Variants in MAP1B observed in about 807,000 individuals in gnomAD.
The protein encoded by MAP1B is microtubule-associated protein 1B.
A neutral mutation model predicts 176.1 loss-of-function variants in MAP1B; 12 were observed. The observed-to-expected ratio is 0.07, with a 90% CI of 0.04 to 0.11. MAP1B has a LOEUF of 0.11. Ranked by LOEUF, MAP1B falls within the 10% of genes least tolerant of loss-of-function variation. MAP1B has a pLI of 1.00. For missense variants in MAP1B, 2,523 were observed against 2,990.5 expected (o/e 0.84, Z 3.65); for synonymous variants, 1,044 against 1,135.0 (o/e 0.92, Z 1.61).
At position 72,199,525 on chromosome 5, in the gene MAP1B, A is replaced by T. The variant is rs141132216; in HGVS notation, c.6170A>T (p.Tyr2057Phe). ...KITRTPQAST[Y>F]SYETSDLCYT... ...ACTAGAACCCCTCAGGCATCCACAT[A>T]TTCCTACGAGACTTCAGACCTATGC... The change falls in exon 5 of 7, where the codon TAT (tyrosine) becomes TTT (phenylalanine). Residue 2057 changes from tyrosine to phenylalanine, a missense_variant. Transcript: ENST00000296755. This position sits in a 1 kb window ranked among gnomAD's most constrained non-coding sequence, Gnocchi z 4.2. 20 of 1,614,170 alleles carry T rather than the reference A, an allele frequency of 1.2e-5. No individual in the cohort carries two copies. The African/African-American group carries it at 2.3e-4, about 18-fold the overall frequency.
intron 1 of MAP1B, among the ~76,000 whole-genome samples, chr5:72,109,040 C>T (rs1745244497): frequency 6.6e-6 from 1 of 152,194 alleles, no homozygotes; most frequent in African/African-American, 2.4e-5. Context: ...ACGCAGCCCT[C>T]GTTCCCCACT....
At chr5:72,159,389 T>C (rs992693230) in intron 2 of MAP1B, among the ~76,000 whole-genome samples, 1 of 152,078 alleles carries the variant, frequency 6.6e-6, no homozygotes, top group Non-Finnish European at 1.5e-5. Flanking sequence ...GGAATTTCTC[T>C]GAAGAGAGCA....
At chr5:72,110,512 T>C in intron 1 of MAP1B, among the ~76,000 whole-genome samples, 1 of 152,252 alleles carries the variant, frequency 6.6e-6, no homozygotes, top group East Asian at 1.9e-4. Flanking sequence ...CAGAGCAGGC[T>C]GGTCCTGTTT....
chr5:72,191,034 T>G (rs192353658), intron 4 of MAP1B, among the ~76,000 whole-genome samples: 1 of 152,266 alleles, frequency 6.6e-6, no homozygotes, highest in Admixed American at 6.5e-5. Context: ...ATATTCCTCC[T>G]TGTTGCATCT....
chr5:72,191,461 C>T (rs1346169057), intron 4 of MAP1B, among the ~76,000 whole-genome samples: 2 of 152,218 alleles, frequency 1.3e-5, no homozygotes, highest in Admixed American at 6.5e-5. Flanking sequence ...TGTCTTTGCC[C>T]TTGAGGCACT....
rs751602894 is a variant in MAP1B at position 72,199,987 on chromosome 5, C to T, written c.6632C>T (p.Ser2211Leu). The T allele has an allele frequency of 3.2e-5, 51 of 1,614,198 alleles. No homozygotes were observed. The South Asian group carries it at 3.6e-4, about 11-fold the overall frequency. The change falls in exon 5 of 7, where the codon TCG becomes TTG. Residue 2211 changes from serine (S) to leucine (L), a missense_variant. By Grantham distance (145) the Ser-to-Leu change is moderately radical. Coordinates refer to ENST00000296755, the MANE Select transcript of MAP1B (RefSeq NM_005909.5). The surrounding 1 kb of genome is among the most constrained non-coding windows in gnomAD (Gnocchi z 4.2). ...PPAPVQDRSP[S>L]PRHPDVSMVD... ...GCTCCCGTGCAAGACCGCAGCCCTT[C>T]GCCACGCCACCCTGATGTGTCCATG...
chr5:72,202,854 A>G (rs763083359), intron 5 of MAP1B, among the ~76,000 whole-genome samples: 11 of 152,220 alleles, frequency 7.2e-5, no homozygotes, highest in Non-Finnish European at 1.3e-4. Flanking sequence ...GCAGTCTGAT[A>G]TGTCCTGATT....
chr5:72,119,698 T>G (rs1367866993), intron 2 of MAP1B, among the ~76,000 whole-genome samples: 10 of 152,070 alleles, frequency 6.6e-5, no homozygotes, highest in Admixed American at 2.6e-4. Flanking sequence ...TTGTAGAGAT[T>G]GGATTTCCCC....
In MAP1B at chr5:72,196,482, G is replaced by A. The variant is rs1271916479; in HGVS notation, c.3127G>A (p.Asp1043Asn). The change falls in exon 5 of 7, where the codon GAC becomes AAC. Residue 1043 changes from aspartate (D) to asparagine (N), a missense_variant. Transcript: ENST00000296755. This position sits in a 1 kb window ranked among gnomAD's most constrained non-coding sequence, Gnocchi z 5.3. ...EYEPEKMEAEDYVMAVVDKAA... is the reference protein window; with the variant it reads ...EYEPEKMEAENYVMAVVDKAA... ...TGAGCCGGAAAAAATGGAAGCTGAA[G>A]ACTATGTGATGGCTGTGGTCGACAA... 6.2e-7 allele frequency: 1 copy of A among 1,613,816 alleles called. No homozygotes were observed. The highest frequency in any genetic ancestry group is 8.5e-7 in the Non-Finnish European group (1 of 1,180,026).
At position 72,207,591 on chromosome 5, in the gene MAP1B, A is replaced by G. The variant is rs955295880; in HGVS notation, c.*2352A>G. The G allele has an allele frequency of 6.6e-5, 10 of 152,242 alleles. No individual in the cohort carries two copies. The highest frequency in any genetic ancestry group is 1.3e-4 in the Non-Finnish European group (9 of 68,036). 9.4% of individuals were successfully genotyped at this position (152,242 alleles called of 1,614,324 possible). A position where few individuals can be genotyped will look rare whatever the true frequency, so the allele number is the denominator to read the frequency against. ...CCTTGGAAAATAACATATTAAGGGTACAAGAAATTAACACATGATGGAAAA... is the reference window on the plus strand; with the variant it reads ...CCTTGGAAAATAACATATTAAGGGTGCAAGAAATTAACACATGATGGAAAA... On this transcript the variant is annotated 3_prime_UTR_variant, in exon 7 of 7. Coordinates refer to ENST00000296755, the MANE Select transcript of MAP1B (RefSeq NM_005909.5).
intron 2 of MAP1B, among the ~76,000 whole-genome samples, chr5:72,124,178 A>G (rs1232275596): frequency 6.6e-6 from 1 of 152,120 alleles, no homozygotes; most frequent in Non-Finnish European, 1.5e-5. Flanking sequence ...CCCAGACATC[A>G]TACTCCAGGG....
chr5:72,188,014 C>T (rs1047917326), intron 4 of MAP1B, among the ~76,000 whole-genome samples: 4 of 152,162 alleles, frequency 2.6e-5, no homozygotes, highest in Admixed American at 1.3e-4. Flanking sequence ...TCATCTTTAC[C>T]ACTTCAAAAT....
chr5:72,130,133 TA>T (rs1298000299), intron 2 of MAP1B, among the ~76,000 whole-genome samples: 5 of 149,860 alleles, frequency 3.3e-5, no homozygotes, highest in African/African-American at 4.9e-5. Context: ...ATAAATTAAT[TA>T]AAAAGAAATT....
At chr5:72,134,444 G>A (rs904616306) in intron 2 of MAP1B, among the ~76,000 whole-genome samples, 2 of 152,176 alleles carry the variant, frequency 1.3e-5, no homozygotes, top group Non-Finnish European at 2.9e-5. Flanking sequence ...GCTTCTAGGG[G>A]ATGATGTCAT....
chr5:72,197,339 T>A lies in MAP1B; in HGVS notation c.3984T>A (p.Thr1328=). ...LEVVSPSQSV[T]GSAGHTPYYQ... is the part of the protein sequence containing the mutation. ...TGGTGTCACCATCTCAGTCCGTGAC[T>A]GGCAGTGCTGGTCACACACCTTACT... Residue 1328 remains threonine, a synonymous_variant, in exon 5 of 7, where the codon ACT becomes ACA. Coordinates refer to ENST00000296755, the MANE Select transcript of MAP1B (RefSeq NM_005909.5). 6.2e-7 allele frequency: 1 copy of A among 1,614,204 alleles called. No homozygotes were observed. The highest frequency in any genetic ancestry group is 1.1e-5 in the South Asian group (1 of 91,084).
Position 72,186,690 on chromosome 5 carries a change from A to AGCTC in MAP1B, c.447_450dup (p.Ile151AlafsTer43). On this transcript the variant is annotated frameshift_variant, in exon 4 of 7. Transcript: ENST00000296755. LOFTEE classifies it high-confidence loss of function. This position sits in a 1 kb window ranked among gnomAD's most constrained non-coding sequence, Gnocchi z 4.3. ...GGGCAGTGCTTTGAAAATACCGGAG[A>AGCTC]GCTCATTCTCCAGTCCGGCTCTTTC... The AGCTC allele has an allele frequency of 6.2e-7, 1 of 1,614,112 alleles. No individual in the cohort carries two copies. The highest frequency in any genetic ancestry group is 8.5e-7 in the Non-Finnish European group (1 of 1,180,034).
At chr5:72,137,572 CTGTT>C (rs1384416206) in intron 2 of MAP1B, among the ~76,000 whole-genome samples, 4 of 152,238 alleles carry the variant, frequency 2.6e-5, no homozygotes, top group African/African-American at 9.6e-5. Context: ...TTGAAGATGT[CTGTT>C]TGAAAATACC....
chr5:72,183,861 C>T (rs369810286), intron 3 of MAP1B, 36 bp downstream of exon 3: 55 of 1,579,094 alleles, frequency 3.5e-5, no homozygotes, highest in Non-Finnish European at 4.7e-5. Context: ...GGGGCCGGGC[C>T]CCACACACTG....
chr5:72,136,288 C>A lies in MAP1B; in HGVS notation c.286+20489C>A, dbSNP rs62363195. ...TCTGACATACAGGACAGCTCTCTTA[C>A]CACAAGCTACCTGAATGTAAATATA... On this transcript the variant is annotated intron_variant, in intron 2 of 6. Transcript: ENST00000296755. Among the ~76,000 whole-genome samples the A allele has an allele frequency of 8.2e-3, 1,253 of 152,278 alleles. 6 individuals are homozygous for A. Among genetic ancestry groups the A allele is most frequent in the Non-Finnish European group, 0.012 (839 of 68,024 alleles).
Sources: allele counts gnomAD v4.1 joint callset (sites outside exome capture counted in the v4.1 genomes callset), GRCh38; gene constraint gnomAD v4.1.1; non-coding constraint Gnocchi (gnomAD v3.1); transcripts MANE v1.5; gene names NCBI Gene and HGNC (gene_info 2026-07-23, HGNC 2026-07-21).